Variants in CFAP65 observed in about 807,000 individuals in gnomAD.
The protein encoded by CFAP65 is cilia and flagella associated protein 65, also known as cilia- and flagella-associated protein 65.
CFAP65 carries 155 observed loss-of-function variants against 208.0 expected under a neutral mutation model. The ratio of observed to expected loss-of-function variants is 0.75; its 90% confidence interval spans 0.65 to 0.85. The LOEUF (loss-of-function observed/expected upper bound fraction) is 0.85, where lower values mean the gene tolerates loss of function less well. Ranked by LOEUF, CFAP65 falls within the 40% of genes least tolerant of loss-of-function variation. The probability of loss-of-function intolerance (pLI) is 0.00; values close to 1 mark genes in which losing one functional copy is unlikely to be tolerated. For missense variants in CFAP65, 2,294 were observed against 2,451.3 expected, an observed-to-expected ratio of 0.94 and a Z score of 1.36; for synonymous variants, 970 against 986.3, an observed-to-expected ratio of 0.98 and a Z score of 0.31.
Position 219,013,858 on chromosome 2 carries a change from T to C in CFAP65, c.3779+10A>G, listed in dbSNP as rs1469457759. 1.9e-6 allele frequency: 3 copies of C among 1,566,064 alleles called. No homozygotes were observed. The Admixed American group carries it at 5.4e-5, about 28-fold the overall frequency. Reference sequence around the variant, plus strand: ...CTGGAAGTGCAGGGGGTTTGGGGGGTGGGGAACACCTGTATTTTAACTCCA... The same window carrying C: ...CTGGAAGTGCAGGGGGTTTGGGGGGCGGGGAACACCTGTATTTTAACTCCA... On this transcript the variant is annotated intron_variant, in intron 22 of 34. Transcript: ENST00000341552.
intron 21 of CFAP65, among the ~76,000 whole-genome samples, chr2:219,016,349 C>T (rs1946885395): frequency 7.5e-6 from 1 of 132,816 alleles, no homozygotes; most frequent in African/African-American, 3.0e-5. Context: ...GGCTAGAGTG[C>T]AGTGGTGCAA....
intron 26 of CFAP65, 45 bp from the exon 27 acceptor site, chr2:219,010,130 A>G (rs1255810254): frequency 2.6e-6 from 4 of 1,534,264 alleles, no homozygotes; most frequent in South Asian, 1.3e-5. Flanking sequence ...CCGGCCAGGC[A>G]TGGTGGCTCA....
At position 219,013,311 on chromosome 2, in the gene CFAP65, G is replaced by C; in HGVS notation, c.3905C>G (p.Thr1302Ser). Residue 1302 changes from threonine to serine, a missense_variant, in exon 24 of 35, where the codon ACT (threonine) becomes AGT (serine). Thr to Ser is a moderately conservative substitution (Grantham distance 58). Coordinates refer to ENST00000341552, the MANE Select transcript of CFAP65 (RefSeq NM_194302.4). ...PEQKYVHFTS[T>S]THQFIPIPIG... is the part of the protein sequence containing the mutation. ...GGGAATGGGGATGAACTGGTGGGTA[G>C]TAGAGGTGAAGTGCACATACTTCTG... 1 of 1,614,100 alleles carries C rather than the reference G, an allele frequency of 6.2e-7. No homozygotes were observed. Among genetic ancestry groups the C allele is most frequent in the Non-Finnish European group, 8.5e-7 (1 of 1,179,980 alleles).
chr2:219,009,182 G>A (rs1453797612), intron 28 of CFAP65, 28 bp from the exon 29 acceptor site: 1 of 1,597,780 alleles, frequency 6.3e-7, no homozygotes, highest in East Asian at 2.2e-5. Context: ...GAGAGAGAAG[G>A]CCAAGGTCTG....
rs767346278 is a variant in CFAP65 at position 219,006,119 on chromosome 2, C to T, written c.4824G>A (p.Ser1608=). 6.8e-6 allele frequency: 11 copies of T among 1,613,432 alleles called. No individual in the cohort carries two copies. Among genetic ancestry groups the T allele is most frequent in the South Asian group, 4.4e-5 (4 of 91,072 alleles). ...TAAGGCCCAGGCAGAGCATGCCTGG[C>T]GAGGGTGGCTGGGGGCAGGGCCAGG... ...EVSWPCPQPP[S]PGMLCLGLTA... is the part of the protein sequence containing the mutation. Residue 1608 remains serine (S), a synonymous_variant, in exon 31 of 35, where the codon TCG becomes TCA. Transcript: ENST00000341552.
At chr2:219,012,922 T>C (rs1946581770) in intron 24 of CFAP65, among the ~76,000 whole-genome samples, 2 of 152,268 alleles carry the variant, frequency 1.3e-5, no homozygotes, top group Non-Finnish European at 2.9e-5. Flanking sequence ...GGTTGTATGT[T>C]TATGTATATA....
In CFAP65 at chr2:219,004,306, G is replaced by A. The variant is rs1303874872; in HGVS notation, c.5201C>T (p.Pro1734Leu). 2 of 1,614,076 alleles carry A rather than the reference G, an allele frequency of 1.2e-6. No individual in the cohort carries two copies. The highest frequency in any genetic ancestry group is 1.7e-6 in the Non-Finnish European group (2 of 1,180,038). Residue 1734 changes from proline (P) to leucine (L), a missense_variant, in exon 33 of 35, where the codon CCC becomes CTC. Transcript: ENST00000341552. This position sits in a 1 kb window ranked among gnomAD's most constrained non-coding sequence, Gnocchi z 4.7. ...SLYLMPILPV[P>L]SSSWEDGKGK... Reference sequence around the variant, plus strand: ...CTTCCCATCCTCCCAGCTGCTGGAGGGTACAGGCAGGATTGGCATTAAGTA... The same window carrying A: ...CTTCCCATCCTCCCAGCTGCTGGAGAGTACAGGCAGGATTGGCATTAAGTA...
chr2:219,007,846 G>T (rs185187172), intron 29 of CFAP65, among the ~76,000 whole-genome samples: 32 of 148,834 alleles, frequency 2.2e-4, no homozygotes, highest in Middle Eastern at 3.4e-3. Context: ...ACAGAGTCTC[G>T]CTCGCTCTGT....
At position 219,019,052 on chromosome 2, in the gene CFAP65, A is replaced by G; in HGVS notation, c.3601T>C (p.Trp1201Arg). ...CCAGTGGCCCCCTTCAAGCCATACC[A>G]GTCCAGGGACACCACTCCGCTGTTC... ...LKNSGVVSLDWAFLLPSDQRI... is the reference protein window; with the variant it reads ...LKNSGVVSLDRAFLLPSDQRI... Residue 1201 changes from tryptophan to arginine, a missense_variant and splice_region_variant, in exon 21 of 35, where the codon TGG becomes CGG. By Grantham distance (101) the Trp-to-Arg change is moderately radical (BLOSUM62 -3). Transcript: ENST00000341552. 1 of 1,614,212 alleles carries G rather than the reference A, an allele frequency of 6.2e-7. No homozygotes were observed.
At position 219,032,479 on chromosome 2, in the gene CFAP65, A is replaced by G. The variant is rs1334453344; in HGVS notation, c.636T>C (p.Pro212=). ...ITLTLPIVFR[P]LEAKEYMDQL... is the part of the protein sequence containing the mutation. ...CTGTGGCAGACCTTACCGCCTCCAG[A>G]GGCCGGAAGACGATGGGGAGCGTGA... Residue 212 remains proline, a synonymous_variant, in exon 6 of 35, where the codon CCT becomes CCC. Transcript: ENST00000341552. The surrounding 1 kb of genome is among the most constrained non-coding windows in gnomAD (Gnocchi z 5.5). 2.5e-6 allele frequency: 4 copies of G among 1,593,704 alleles called. No individual in the cohort carries two copies. Among genetic ancestry groups the G allele is most frequent in the Non-Finnish European group, 3.4e-6 (4 of 1,170,182 alleles).
chr2:219,035,915 GC>G (rs928571613), intron 4 of CFAP65, among the ~76,000 whole-genome samples: 8 of 152,162 alleles, frequency 5.3e-5, no homozygotes, highest in Non-Finnish European at 8.8e-5. Flanking sequence ...TAGAGCCCCT[GC>G]CCCTGAAGCC....
At chr2:219,021,746 C>T in intron 18 of CFAP65, 34 bp downstream of exon 18, 2 of 1,610,486 alleles carry the variant, frequency 1.2e-6, no homozygotes, top group Non-Finnish European at 1.7e-6. Flanking sequence ...CCTCCCACCT[C>T]CCCTGGCCCC....
Position 219,032,615 on chromosome 2 carries a change from A to C in CFAP65, c.543-43T>G. 1.3e-6 allele frequency: 2 copies of C among 1,520,526 alleles called. No homozygotes were observed. The highest frequency in any genetic ancestry group is 1.8e-6 in the Non-Finnish European group (2 of 1,117,442). 94.2% of individuals were successfully genotyped at this position (1,520,526 alleles called of 1,614,324 possible). A position where few individuals can be genotyped will look rare whatever the true frequency, so the allele number is the denominator to read the frequency against. ...TGGGGAGCACCTCAGATCAGGGCTC[A>C]GAACAACTGGAAGAGGCAGGAAACG... On this transcript the variant is annotated intron_variant, in intron 5 of 34. Coordinates refer to ENST00000341552, the MANE Select transcript of CFAP65 (RefSeq NM_194302.4). The surrounding 1 kb of genome is among the most constrained non-coding windows in gnomAD (Gnocchi z 5.5).
chr2:219,016,022 T>C (rs1946855854), intron 21 of CFAP65, among the ~76,000 whole-genome samples: 1 of 152,194 alleles, frequency 6.6e-6, no homozygotes, highest in Non-Finnish European at 1.5e-5. Flanking sequence ...TGCGTGTCTG[T>C]ATGTTGTGCA....
chr2:219,037,779 G>T (rs925735533), intron 4 of CFAP65, among the ~76,000 whole-genome samples: 1 of 152,068 alleles, frequency 6.6e-6, no homozygotes, highest in Non-Finnish European at 1.5e-5. Flanking sequence ...GGGAGGCAAG[G>T]GCAGCACACC....
At position 219,040,477 on chromosome 2, in the gene CFAP65, G is replaced by A; in HGVS notation, c.-3+42C>T. 3 of 990,082 alleles carry A rather than the reference G, an allele frequency of 3.0e-6. No homozygotes were observed. In the South Asian group the frequency reaches 4.1e-5, roughly 14 times the overall value. 61.3% of individuals were successfully genotyped at this position (990,082 alleles called of 1,614,324 possible). A position where few individuals can be genotyped will look rare whatever the true frequency, so the allele number is the denominator to read the frequency against. On this transcript the variant is annotated intron_variant, in intron 2 of 34. Transcript: ENST00000341552. Reference sequence around the variant, plus strand: ...ACAAAGCACTTACTATTATGTACCAGGTACTGTGCTAGGCACCAGACAAGG... The same window carrying A: ...ACAAAGCACTTACTATTATGTACCAAGTACTGTGCTAGGCACCAGACAAGG...
chr2:219,017,618 T>A (rs569665070), intron 21 of CFAP65, among the ~76,000 whole-genome samples: 124 of 152,376 alleles, frequency 8.1e-4, no homozygotes, highest in Non-Finnish European at 1.2e-3. Context: ...TCCTGATGGA[T>A]GGGCCCGGCT....
chr2:219,032,418 G>A lies in CFAP65; in HGVS notation c.645+52C>T. The A allele has an allele frequency of 6.7e-7, 1 of 1,489,080 alleles. No individual in the cohort carries two copies. Among genetic ancestry groups the A allele is most frequent in the Non-Finnish European group, 9.1e-7 (1 of 1,095,478 alleles). The allele number at this position is 1,489,080 out of a possible 1,614,324, so 92.2% of individuals were successfully genotyped here. A position where few individuals can be genotyped will look rare whatever the true frequency, so the allele number is the denominator to read the frequency against. ...TGCTCTGTCCTGTTTTCTGTTCTGA[G>A]GTCACTGCTCCCAGGTACCTCCCTG... On this transcript the variant is annotated intron_variant, in intron 6 of 34. Transcript: ENST00000341552. The surrounding 1 kb of genome is among the most constrained non-coding windows in gnomAD (Gnocchi z 5.5).
Position 219,026,108 on chromosome 2 carries a change from AG to A in CFAP65, c.2262del (p.Trp755GlyfsTer3). 1 of 1,614,114 alleles carries A rather than the reference AG, an allele frequency of 6.2e-7. No individual in the cohort carries two copies. The highest frequency in any genetic ancestry group is 8.5e-7 in the Non-Finnish European group (1 of 1,180,014). On this transcript the variant is annotated frameshift_variant, in exon 14 of 35. Coordinates refer to ENST00000341552, the MANE Select transcript of CFAP65 (RefSeq NM_194302.4). LOFTEE classifies it high-confidence loss of function. The stretch of plus-strand genomic sequence containing the variant: ...CCTCGTGCCCGCACCGTCAGGCACC[AG>A]GATGGGCACATGGTGCAGTCCTCCT... ...NIEEDCTMCP[S>X]WCLTVRARGH... is the part of the protein sequence containing the mutation.
Sources: gnomAD v4.1 joint callset for allele counts (sites outside exome capture counted in the v4.1 genomes callset) on GRCh38, gnomAD v4.1.1 for gene constraint, Gnocchi (gnomAD v3.1) non-coding constraint, MANE v1.5 for transcripts, NCBI Gene and HGNC (gene_info 2026-07-23, HGNC 2026-07-21) for gene names.